The following IRS1 variants were observed in gnomAD, a reference collection of about 807,000 sequenced individuals.
The protein encoded by IRS1 is insulin receptor substrate 1.
In IRS1, 34 loss-of-function variants were observed where a neutral mutation model predicts 65.6. The ratio of observed to expected loss-of-function variants is 0.52; its 90% CI spans 0.39 to 0.69. The LOEUF is 0.69. Ranked by LOEUF, IRS1 falls within the 30% of genes least tolerant of loss-of-function variation. IRS1 has a pLI of 0.00. For synonymous variants in IRS1, 699 were observed against 683.5 expected (o/e 1.02, Z -0.35); for missense variants, 1,641 against 1,720.2 (o/e 0.95, Z 0.81).
chr2:226,767,297 TAA>T (rs1031475567), intron 1 of IRS1, among the ~76,000 whole-genome samples: 5 of 151,960 alleles, frequency 3.3e-5, no homozygotes, highest in African/African-American at 1.2e-4. Flanking sequence ...CCACTTAAGA[TAA>T]AAAGAGTGCT....
Position 226,797,832 on chromosome 2 carries a change from A to G in IRS1, c.907T>C (p.Ser303Pro). ...GTGGCGGTGATGCTCTCAGTGCGTGATCGGCGGGTCAGCCCCACCTGGCTG... is the reference window on the plus strand; with the variant it reads ...GTGGCGGTGATGCTCTCAGTGCGTGGTCGGCGGGTCAGCCCCACCTGGCTG... Reference protein sequence around the residue: ...PPSQVGLTRRSRTESITATSP... With the variant: ...PPSQVGLTRRPRTESITATSP... Residue 303 changes from serine (S) to proline (P), a missense_variant, in exon 1 of 2, where the codon TCA becomes CCA. By Grantham distance (74) the Ser-to-Pro change is moderately conservative. Coordinates refer to ENST00000305123, the MANE Select transcript of IRS1 (RefSeq NM_005544.3). The surrounding 1 kb of genome is among the most constrained non-coding windows in gnomAD (Gnocchi z 8.1). 6.3e-7 allele frequency: 1 copy of G among 1,598,644 alleles called. No individual in the cohort carries two copies. The highest frequency in any genetic ancestry group is 8.5e-7 in the Non-Finnish European group (1 of 1,175,276).
chr2:226,739,197 A>C (rs1464456303), intron 1 of IRS1, among the ~76,000 whole-genome samples: 2 of 152,194 alleles, frequency 1.3e-5, no homozygotes, highest in Non-Finnish European at 2.9e-5. Context: ...TACTTTTCAA[A>C]GCCCCTTATC....
At chr2:226,780,674 A>G (rs1265848179) in intron 1 of IRS1, among the ~76,000 whole-genome samples, 1 of 152,184 alleles carries the variant, frequency 6.6e-6, no homozygotes, top group South Asian at 2.1e-4. Flanking sequence ...GAAGGGAGGA[A>G]GTGTCCAAGA....
At chr2:226,764,373 T>A (rs940957588) in intron 1 of IRS1, among the ~76,000 whole-genome samples, 2 of 151,928 alleles carry the variant, frequency 1.3e-5, no homozygotes, top group Non-Finnish European at 2.9e-5. Flanking sequence ...GCAAGACCCC[T>A]TCTCCAAAAA....
At chr2:226,765,059 A>C (rs907644140) in intron 1 of IRS1, among the ~76,000 whole-genome samples, 1 of 152,224 alleles carries the variant, frequency 6.6e-6, no homozygotes, top group Non-Finnish European at 1.5e-5. Flanking sequence ...GCAAGCTTAC[A>C]CTATAGCTTC....
At position 226,799,496 on chromosome 2, in the gene IRS1, TG is replaced by T; in HGVS notation, c.-759del. On this transcript the variant is annotated 5_prime_UTR_variant, in exon 1 of 2. An upstream open reading frame in the 5' UTR loses its in-frame stop. Transcript: ENST00000305123. The surrounding 1 kb of genome is among the most constrained non-coding windows in gnomAD (Gnocchi z 6.1). ...AACGATACCGGGCAGCCACTGCAGC[TG>T]GGGACCGGCCGGAGGGACAGACTCA... 1 of 1,142,126 alleles carries T rather than the reference TG, an allele frequency of 8.8e-7. No individual in the cohort carries two copies. The allele number at this position is 1,142,126 out of a possible 1,614,324, so 70.7% of individuals were successfully genotyped here. A position where few individuals can be genotyped will look rare whatever the true frequency, so the allele number is the denominator to read the frequency against.
In IRS1 at chr2:226,798,106, G is replaced by A; in HGVS notation, c.633C>T (p.Ile211=). The A allele has an allele frequency of 1.2e-6, 2 of 1,614,002 alleles. No individual in the cohort carries two copies. The highest frequency in any genetic ancestry group is 1.7e-6 in the Non-Finnish European group (2 of 1,180,016). ...AAAVVLQLMN[I]RRCGHSENFF... is the part of the protein sequence containing the mutation. Reference sequence around the variant, plus strand: ...AGTTTTCCGAGTGGCCACAGCGCCTGATGTTCATCAGCTGCAGCACCACGG... The same window carrying A: ...AGTTTTCCGAGTGGCCACAGCGCCTAATGTTCATCAGCTGCAGCACCACGG... Residue 211 remains isoleucine, a synonymous_variant, in exon 1 of 2, where the codon ATC becomes ATT. Transcript: ENST00000305123. The surrounding 1 kb of genome is among the most constrained non-coding windows in gnomAD (Gnocchi z 9.4).
intron 1 of IRS1, among the ~76,000 whole-genome samples, chr2:226,768,915 G>T (rs1381661491): frequency 6.6e-6 from 1 of 152,134 alleles, no homozygotes; most frequent in Non-Finnish European, 1.5e-5. Context: ...GATTACAGGC[G>T]TGAGCCACCG....
At position 226,796,685 on chromosome 2, in the gene IRS1, C is replaced by T. The variant is rs1379358223; in HGVS notation, c.2054G>A (p.Ser685Asn). 1.9e-6 allele frequency: 3 copies of T among 1,607,116 alleles called. No individual in the cohort carries two copies. Among genetic ancestry groups the T allele is most frequent in the Non-Finnish European group, 1.7e-6 (2 of 1,174,894 alleles). The change falls in exon 1 of 2, where the codon AGC (serine) becomes AAC (asparagine). Residue 685 changes from serine (S) to asparagine (N), a missense_variant. By Grantham distance (46) the Ser-to-Asn change is conservative. Around this residue, in one of 3 missense-constraint regions of IRS1, gnomAD observed 1,324 missense variants for 1,361.0 expected, o/e 0.97. Transcript: ENST00000305123. ...GGTCCCGGAAGGGACGGCGTTGCTG[C>T]TGCTGCTGCTGCTGCTGGGGCCACC... ...IGGGPSSSSS[S>N]SNAVPSGTSY...
rs1445417591 is a variant in IRS1 at position 226,795,096 on chromosome 2, C to G, written c.3643G>C (p.Glu1215Gln). 2 of 1,604,344 alleles carry G rather than the reference C, an allele frequency of 1.2e-6. No individual in the cohort carries two copies. The highest frequency in any genetic ancestry group is 1.7e-5 in the Admixed American group (1 of 59,480). ...PPPHQPLGSG[E>Q]SSSTRRSSED... ...CTTGAGCGGCGGGTGGAGCTGCTCTCACCGCTGCCCAGGGGTTGATGAGGG... is the reference window on the plus strand; with the variant it reads ...CTTGAGCGGCGGGTGGAGCTGCTCTGACCGCTGCCCAGGGGTTGATGAGGG... Residue 1215 changes from glutamate (E) to glutamine (Q), a missense_variant, in exon 1 of 2, where the codon GAG becomes CAG. Physicochemically the swap from Glu to Gln is conservative, Grantham distance 29. This residue lies in a region of IRS1 where 1,324 missense variants were observed against 1,361.0 expected (regional missense o/e 0.97). Coordinates refer to ENST00000305123, the MANE Select transcript of IRS1 (RefSeq NM_005544.3).
At chr2:226,743,018 G>A (rs987795324) in intron 1 of IRS1, among the ~76,000 whole-genome samples, 1 of 152,098 alleles carries the variant, frequency 6.6e-6, no homozygotes, top group African/African-American at 2.4e-5. Flanking sequence ...TTTATTAACA[G>A]GAAGCATGCT....
chr2:226,737,659 A>G (rs1465899283), intron 1 of IRS1, among the ~76,000 whole-genome samples: 104 of 152,220 alleles, frequency 6.8e-4, no homozygotes, highest in Non-Finnish European at 1.5e-5. Context: ...ACATCAGTAC[A>G]TGCCAAGATA....
intron 1 of IRS1, among the ~76,000 whole-genome samples, chr2:226,784,077 C>A (rs981701764): frequency 5.9e-5 from 9 of 151,904 alleles, no homozygotes; most frequent in Non-Finnish European, 1.0e-4. Context: ...CCTGATGAGA[C>A]AAGCAGAAGA....
intron 1 of IRS1, among the ~76,000 whole-genome samples, chr2:226,740,437 A>G (rs1205629410): frequency 6.6e-6 from 1 of 152,224 alleles, no homozygotes; most frequent in Non-Finnish European, 1.5e-5. Flanking sequence ...AGGAATTTAC[A>G]TCTTCTGGGT....
In IRS1 at chr2:226,799,322, T is replaced by A; in HGVS notation, c.-584A>T. 2 of 1,226,424 alleles carry A rather than the reference T, an allele frequency of 1.6e-6. No homozygotes were observed. Among genetic ancestry groups the A allele is most frequent in the East Asian group, 7.5e-5 (1 of 13,256 alleles). 76.0% of individuals were successfully genotyped at this position (1,226,424 alleles called of 1,614,324 possible). ...TCCCAGCCGCCACCAGCCGCCCAAA[T>A]ACCAGCTCAGTCGCAGAGACCGCGG... is the stretch of plus-strand genomic sequence containing the variant. On this transcript the variant is annotated 5_prime_UTR_variant, in exon 1 of 2. Transcript: ENST00000305123. This position sits in a 1 kb window ranked among gnomAD's most constrained non-coding sequence, Gnocchi z 6.1.
chr2:226,791,644 G>C (rs1252555039), intron 1 of IRS1, among the ~76,000 whole-genome samples: 1 of 151,892 alleles, frequency 6.6e-6, no homozygotes, highest in Non-Finnish European at 1.5e-5. Flanking sequence ...ACGCCCGCCC[G>C]CCACCACCGC....
rs188217113 is a variant in IRS1 at position 226,777,167 on chromosome 2, T to C, written c.*21+17822A>G. Among the ~76,000 whole-genome samples the C allele has an allele frequency of 1.5e-3, 227 of 152,290 alleles. 1 individual carries two copies. The highest frequency in any genetic ancestry group is 4.7e-3 in the African/African-American group (195 of 41,576). On this transcript the variant is annotated intron_variant, in intron 1 of 1. Transcript: ENST00000305123. ...ATAAAGTATGGACTTTAGTTAACAATAATGTGTCACATTAGTTCATTGTGA... is the reference window on the plus strand; with the variant it reads ...ATAAAGTATGGACTTTAGTTAACAACAATGTGTCACATTAGTTCATTGTGA...
chr2:226,753,118 T>G (rs1938716844), intron 1 of IRS1, among the ~76,000 whole-genome samples: 1 of 152,176 alleles, frequency 6.6e-6, no homozygotes, highest in East Asian at 1.9e-4. Flanking sequence ...ACACTGAAGC[T>G]CTGCCTCTTT....
rs745358781 is a variant in IRS1 at position 226,796,371 on chromosome 2, G to A, written c.2368C>T (p.Arg790Cys). 1.7e-5 allele frequency: 27 copies of A among 1,613,382 alleles called. No homozygotes were observed. Among genetic ancestry groups the A allele is most frequent in the East Asian group, 4.5e-5 (2 of 44,888 alleles). Residue 790 changes from arginine to cysteine, a missense_variant, in exon 1 of 2, where the codon CGC becomes TGC. Around this residue, in one of 3 missense-constraint regions of IRS1, gnomAD observed 1,324 missense variants for 1,361.0 expected, o/e 0.97. Coordinates refer to ENST00000305123, the MANE Select transcript of IRS1 (RefSeq NM_005544.3). ...PEEGARHQHL[R>C]LSTSSGRLLY... ...AGGCGACCAGAGCTAGTGGAAAGGC[G>A]GAGGTGCTGATGCCGGGCACCCTCC...
Sources: allele counts gnomAD v4.1 joint callset (sites outside exome capture counted in the v4.1 genomes callset), GRCh38; gene constraint gnomAD v4.1.1; regional missense constraint gnomAD v4.1.1; non-coding constraint Gnocchi (gnomAD v3.1); transcripts MANE v1.5; gene names NCBI Gene and HGNC (gene_info 2026-07-23, HGNC 2026-07-21).